FNTB: variants seen among roughly 807,000 people sequenced by gnomAD.
FNTB encodes the protein farnesyltransferase, CAAX box, subunit beta, also known as protein farnesyltransferase subunit beta.
A neutral mutation model predicts 59.4 loss-of-function variants in FNTB; 27 were observed. The observed-to-expected ratio is 0.45, with a 90% CI of 0.34 to 0.63. The LOEUF (loss-of-function observed/expected upper bound fraction) is 0.63, where lower values mean the gene tolerates loss of function less well. FNTB is among the 20% of genes least tolerant of loss of function. The pLI is 0.02. For synonymous variants in FNTB, 230 were observed against 220.7 expected (o/e 1.04, Z -0.37); for missense variants, 449 against 559.6 (o/e 0.80, Z 1.99).
Position 65,047,281 on chromosome 14 carries a change from C to T in FNTB, c.955+2838C>T, listed in dbSNP as rs1214820111. 6.6e-6 allele frequency among the ~76,000 whole-genome samples: 1 copy of T among 152,186 alleles called. No individual in the cohort carries two copies. Among genetic ancestry groups the T allele is most frequent in the Non-Finnish European group, 1.5e-5 (1 of 68,026 alleles). On this transcript the variant is annotated intron_variant, in intron 9 of 11. Transcript: ENST00000246166. The surrounding 1 kb of genome is among the most constrained non-coding windows in gnomAD (Gnocchi z 5.2). ...CATTGTTTACAGATGAGGAAACAAA[C>T]TACAGTGAGGTTAAGTGATTGCTTT...
intron 8 of FNTB, among the ~76,000 whole-genome samples, chr14:65,041,643 C>T (rs759096038): frequency 6.6e-6 from 1 of 152,190 alleles, no homozygotes; most frequent in Admixed American, 6.5e-5. Flanking sequence ...GTTATGCGGC[C>T]CATCGTGAGC....
chr14:65,053,097 G>C (rs1463631310), intron 9 of FNTB, 141 bp from the exon 10 acceptor site: 3 of 525,190 alleles, frequency 5.7e-6, no homozygotes, highest in Non-Finnish European at 8.9e-6. Context: ...ACATGGGGAA[G>C]ATAGCAGTTG....
chr14:65,008,683 A>G (rs552151307), intron 2 of FNTB, among the ~76,000 whole-genome samples: 13 of 152,352 alleles, frequency 8.5e-5, no homozygotes, highest in African/African-American at 3.1e-4. Flanking sequence ...TGCTAAAGCC[A>G]GGAGACTGAA....
chr14:65,040,675 G>T, intron 7 of FNTB, 115 bp from the exon 8 acceptor site: 2 of 927,782 alleles, frequency 2.2e-6, no homozygotes, highest in Non-Finnish European at 2.7e-6. Context: ...ATTCATAGTT[G>T]TGATGGTTCA....
rs189360345 is a variant in FNTB, at chr14:65,020,865, A to G, written c.374+5149A>G. Among the ~76,000 whole-genome samples the G allele has an allele frequency of 2.3e-4, 34 of 151,078 alleles. No individual in the cohort carries two copies. The East Asian group carries it at 5.9e-3, about 26-fold the overall frequency. On this transcript the variant is annotated intron_variant, in intron 4 of 11. Coordinates refer to ENST00000246166, the MANE Select transcript of FNTB (RefSeq NM_002028.4). ...TCCTGCCTCAGCTTCCCAAGTAGCT[A>G]GGATTACAGGGGTGTGCCACCACGC...
Position 65,042,621 on chromosome 14 carries a change from C to A in FNTB, c.823-1690C>A, listed in dbSNP as rs75869478. 3.4e-3 allele frequency among the ~76,000 whole-genome samples: 516 copies of A among 152,312 alleles called. 1 individual carries two copies. The highest frequency in any genetic ancestry group is 0.012 in the African/African-American group (487 of 41,558). ...CCTGGCATGGTCTGGGGGTTAGGGA[C>A]CCCTGCTCTAATCCAGACTACTCCC... On this transcript the variant is annotated intron_variant, in intron 8 of 11. Coordinates refer to ENST00000246166, the MANE Select transcript of FNTB (RefSeq NM_002028.4).
In FNTB at chr14:64,995,646, T is replaced by C. The variant is rs1350772937; in HGVS notation, c.144+8549T>C. On this transcript the variant is annotated intron_variant, in intron 1 of 11. Coordinates refer to ENST00000246166, the MANE Select transcript of FNTB (RefSeq NM_002028.4). ...TATTAGTTTATATCATATATGTGTG[T>C]ATAGTTTATAAGTTGATACATACTT... is the stretch of plus-strand genomic sequence containing the variant. 1.3e-5 allele frequency among the ~76,000 whole-genome samples: 2 copies of C among 151,292 alleles called. 1 individual carries two copies. The highest frequency in any genetic ancestry group is 3.9e-4 in the East Asian group (2 of 5,180).
chr14:65,044,791 C>A lies in FNTB; in HGVS notation c.955+348C>A, dbSNP rs1248868812. On this transcript the variant is annotated intron_variant, in intron 9 of 11. Coordinates refer to ENST00000246166, the MANE Select transcript of FNTB (RefSeq NM_002028.4). The surrounding 1 kb of genome is among the most constrained non-coding windows in gnomAD (Gnocchi z 5.5). ...TGGTGATTGCCACCTCCTCTGGGTG[C>A]AGGGCAGAGCTGAAAACCCTCAGTG... 2 of 240,760 alleles carry A rather than the reference C, an allele frequency of 8.3e-6. No homozygotes were observed. Among genetic ancestry groups the A allele is most frequent in the East Asian group, 1.2e-4 (1 of 8,158 alleles). 14.9% of individuals were successfully genotyped at this position (240,760 alleles called of 1,614,324 possible).
intron 7 of FNTB, among the ~76,000 whole-genome samples, chr14:65,037,384 T>G (rs2062216851): frequency 7.5e-6 from 1 of 133,286 alleles, no homozygotes; most frequent in African/African-American, 2.8e-5. Context: ...ATTATAGGCG[T>G]GAGCCACCAC....
At position 65,060,707 on chromosome 14, in the gene FNTB, A is replaced by T. The variant is rs1442004537; in HGVS notation, c.1183-474A>T. Among the ~76,000 whole-genome samples, 24 of 94,130 alleles carry T rather than the reference A, an allele frequency of 2.5e-4. 8 individuals are homozygous for T. The African/African-American group carries it at 3.1e-3, about 12-fold the overall frequency. The allele number at this position is 94,130 out of a possible 152,430, so 61.8% of individuals were successfully genotyped here. A position where few individuals can be genotyped will look rare whatever the true frequency, so the allele number is the denominator to read the frequency against. ...CGAGAGACTCCGTCTCAAAAAAAAA[A>T]AAAAAAAATACAAAAATTACCCAGG... On this transcript the variant is annotated intron_variant, in intron 11 of 11. Coordinates refer to ENST00000246166, the MANE Select transcript of FNTB (RefSeq NM_002028.4).
rs766346583 is a variant in FNTB at position 65,004,338 on chromosome 14, G to A, written c.209+25G>A. On this transcript the variant is annotated intron_variant, in intron 2 of 11. Coordinates refer to ENST00000246166, the MANE Select transcript of FNTB (RefSeq NM_002028.4). ...GGTAAGCTGTGGTTAGGAGTTTGAG[G>A]GGATCTGGGAGAACACCACCATGCA... The A allele has an allele frequency of 7.5e-6, 12 of 1,608,176 alleles. No individual in the cohort carries two copies. In the South Asian group the frequency reaches 1.0e-4, roughly 13 times the overall value.
chr14:65,059,305 C>T (rs1477668178), intron 11 of FNTB, among the ~76,000 whole-genome samples: 4 of 151,912 alleles, frequency 2.6e-5, no homozygotes, highest in Non-Finnish European at 5.9e-5. Flanking sequence ...TAGGTGTGAG[C>T]CATTGTACCT....
At chr14:65,050,220 A>G (rs2062576028) in intron 9 of FNTB, among the ~76,000 whole-genome samples, 1 of 152,246 alleles carries the variant, frequency 6.6e-6, no homozygotes, top group African/African-American at 2.4e-5. Flanking sequence ...CACCCTAATT[A>G]GTAATCAGAG....
In FNTB at chr14:65,027,978, A is replaced by G. The variant is rs1285842367; in HGVS notation, c.605+197A>G. ...CTCAGGTGTCATGATCACTTGACTT[A>G]TTTTATGTAAATGTGAAAATATAAG... On this transcript the variant is annotated intron_variant, in intron 6 of 11. Coordinates refer to ENST00000246166, the MANE Select transcript of FNTB (RefSeq NM_002028.4). This position sits in a 1 kb window ranked among gnomAD's most constrained non-coding sequence, Gnocchi z 5.7. Among the ~76,000 whole-genome samples the G allele has an allele frequency of 6.6e-6, 1 of 152,220 alleles. No individual in the cohort carries two copies. Among genetic ancestry groups the G allele is most frequent in the African/African-American group, 2.4e-5 (1 of 41,454 alleles).
intron 2 of FNTB, among the ~76,000 whole-genome samples, chr14:65,005,324 C>T (rs1004185645): frequency 1.3e-5 from 2 of 152,164 alleles, no homozygotes; most frequent in Admixed American, 6.5e-5. Flanking sequence ...TAGTACTTCT[C>T]ATGCAGTCAG....
chr14:65,060,697 C>CAA (rs59036615), intron 11 of FNTB, among the ~76,000 whole-genome samples: 2 of 48,606 alleles, frequency 4.1e-5, no homozygotes, highest in East Asian at 5.1e-4. Context: ...GACTCCGTCT[C>CAA]AAAAAAAAAA....
At chr14:65,053,625 T>TAAAAAAAAACAAAC (rs201558638) in intron 10 of FNTB, among the ~76,000 whole-genome samples, 1 of 146,246 alleles carries the variant, frequency 6.8e-6, no homozygotes, top group South Asian at 2.1e-4. Flanking sequence ...CTTCTTTTTT[T>TAAAAAAAAACAAAC]TAAAAAAAAC....
chr14:65,039,146 A>G (rs891298180), intron 7 of FNTB, among the ~76,000 whole-genome samples: 1 of 152,158 alleles, frequency 6.6e-6, no homozygotes, highest in Non-Finnish European at 1.5e-5. Context: ...GCTCTGCGAG[A>G]GTGGGCAGGA....
chr14:65,044,546 T>G lies in FNTB; in HGVS notation c.955+103T>G. 55 of 1,472,798 alleles carry G rather than the reference T, an allele frequency of 3.7e-5. No homozygotes were observed. The highest frequency in any genetic ancestry group is 4.5e-5 in the Non-Finnish European group (50 of 1,106,386). The allele number at this position is 1,472,798 out of a possible 1,614,324, so 91.2% of individuals were successfully genotyped here. A position where few individuals can be genotyped will look rare whatever the true frequency, so the allele number is the denominator to read the frequency against. ...TTTTTAGAGGGGTTGAAATGAGCTC[T>G]GTCTATCCTGGATTTTGAGTGCCCA... is the stretch of plus-strand genomic sequence containing the variant. On this transcript the variant is annotated intron_variant, in intron 9 of 11. Coordinates refer to ENST00000246166, the MANE Select transcript of FNTB (RefSeq NM_002028.4). The surrounding 1 kb of genome is among the most constrained non-coding windows in gnomAD (Gnocchi z 5.5).
Sources: gnomAD v4.1 joint callset for allele counts (sites outside exome capture counted in the v4.1 genomes callset) on GRCh38, gnomAD v4.1.1 for gene constraint, Gnocchi (gnomAD v3.1) non-coding constraint, MANE v1.5 for transcripts, NCBI Gene and HGNC (gene_info 2026-07-23, HGNC 2026-07-21) for gene names.